The following CYP2U1 variants were observed in gnomAD, a reference collection of about 807,000 sequenced individuals.
CYP2U1 encodes the protein cytochrome P450 family 2 subfamily U member 1, also known as cytochrome P450 2U1.
A neutral mutation model predicts 42.8 loss-of-function variants in CYP2U1; 28 were observed. The ratio of observed to expected loss-of-function variants is 0.65; its 90% CI spans 0.48 to 0.90. The LOEUF is 0.90. Ranked by LOEUF, CYP2U1 falls within the 40% of genes least tolerant of loss-of-function variation. CYP2U1 has a pLI of 0.00. For missense variants in CYP2U1, 642 were observed against 693.8 expected (o/e 0.93, Z 0.84); for synonymous variants, 296 against 278.9 (o/e 1.06, Z -0.61).
Position 107,947,381 on chromosome 4 carries a change from G to T in CYP2U1, c.1132G>T (p.Val378Phe), listed in dbSNP as rs61740284. The T allele has an allele frequency of 1.2e-6, 2 of 1,614,072 alleles. No individual in the cohort carries two copies. The highest frequency in any genetic ancestry group is 1.7e-6 in the Non-Finnish European group (2 of 1,179,988). ...MSLNPDVQEK[V>F]HEEIERVIGA... ...ATTTTTCCCTTTTTACATAGAAAAG[G>T]TTCATGAAGAAATTGAAAGAGTCAT... The change falls in exon 3 of 5, where the codon GTT (valine) becomes TTT (phenylalanine). Residue 378 changes from valine to phenylalanine, a missense_variant. Physicochemically the swap from Val to Phe is conservative, Grantham distance 50 (BLOSUM62 -1). Transcript: ENST00000332884.
intron 3 of CYP2U1, 108 bp downstream of exon 3, chr4:107,947,645 T>C: frequency 9.1e-7 from 1 of 1,103,856 alleles, no homozygotes; most frequent in Non-Finnish European, 1.3e-6. Flanking sequence ...TTGATCCTTC[T>C]GAAGATTTAG....
chr4:107,940,269 T>TAAAG (rs1733441775), intron 1 of CYP2U1: 1 of 151,780 alleles, frequency 6.6e-6, no homozygotes, highest in African/African-American at 2.4e-5. Context: ...TTTTATTTTT[T>TAAAG]AAAGACAGGG....
At position 107,946,762 on chromosome 4, in the gene CYP2U1, A is replaced by C. The variant is rs149269669; in HGVS notation, c.1127-614A>C. 2.7e-3 allele frequency among the ~76,000 whole-genome samples: 408 copies of C among 152,200 alleles called. 3 individuals carry two copies. Among genetic ancestry groups the C allele is most frequent in the African/African-American group, 9.5e-3 (394 of 41,538 alleles). ...CTGCAGACTTGAATGAGACCAAAGAATCCAGGTCCAGGGTGGCTATCCATA... is the reference window on the plus strand; with the variant it reads ...CTGCAGACTTGAATGAGACCAAAGACTCCAGGTCCAGGGTGGCTATCCATA... On this transcript the variant is annotated intron_variant, in intron 2 of 4. Coordinates refer to ENST00000332884, the MANE Select transcript of CYP2U1 (RefSeq NM_183075.3).
At chr4:107,943,761 T>C (rs1733580953) in intron 1 of CYP2U1, among the ~76,000 whole-genome samples, 1 of 152,202 alleles carries the variant, frequency 6.6e-6, no homozygotes, top group African/African-American at 2.4e-5. Flanking sequence ...TTTGCAGCTG[T>C]ATCTACTGCA....
At position 107,947,460 on chromosome 4, in the gene CYP2U1, A is replaced by C. The variant is rs1733739629; in HGVS notation, c.1211A>C (p.Glu404Ala). ...GACAAGGCCCAGATGCCCTACACAGAAGCCACCATCATGGAAGTGCAGAGG... is the reference window on the plus strand; with the variant it reads ...GACAAGGCCCAGATGCCCTACACAGCAGCCACCATCATGGAAGTGCAGAGG... ...LTDKAQMPYT[E>A]ATIMEVQRLT... The change falls in exon 3 of 5, where the codon GAA (glutamate) becomes GCA (alanine). Residue 404 changes from glutamate (E) to alanine (A), a missense_variant. Coordinates refer to ENST00000332884, the MANE Select transcript of CYP2U1 (RefSeq NM_183075.3). 6.2e-7 allele frequency: 1 copy of C among 1,614,100 alleles called. No individual in the cohort carries two copies. Among genetic ancestry groups the C allele is most frequent in the Non-Finnish European group, 8.5e-7 (1 of 1,179,994 alleles).
At chr4:107,941,437 A>T (rs1023166721) in intron 1 of CYP2U1, among the ~76,000 whole-genome samples, 4 of 152,128 alleles carry the variant, frequency 2.6e-5, no homozygotes, top group African/African-American at 9.7e-5. Flanking sequence ...AGCTTTCTCT[A>T]TTGGACATAT....
At chr4:107,947,733 C>T (rs1733751288) in intron 3 of CYP2U1, among the ~76,000 whole-genome samples, 196 bp downstream of exon 3, 2 of 152,300 alleles carry the variant, frequency 1.3e-5, no homozygotes, top group Middle Eastern at 3.4e-3. Flanking sequence ...TAGAATTCTA[C>T]TACTGCTTAG....
At chr4:107,941,293 AACTT>A (rs1733485096) in intron 1 of CYP2U1, 1 of 152,108 alleles carries the variant, frequency 6.6e-6, no homozygotes, top group Non-Finnish European at 1.5e-5. Flanking sequence ...CTTTAGCAAA[AACTT>A]ACAGAACTGT....
chr4:107,945,995 T>C (rs1431876869), intron 2 of CYP2U1, among the ~76,000 whole-genome samples: 1 of 152,202 alleles, frequency 6.6e-6, no homozygotes, highest in Non-Finnish European at 1.5e-5. Context: ...CAGCTAGTTC[T>C]ACCACCTAGT....
chr4:107,944,852 T>TATATACATATATCTA, intron 1 of CYP2U1, 118 bp from the exon 2 acceptor site: 1 of 98,194 alleles, frequency 1.0e-5, no homozygotes, highest in Non-Finnish European at 1.7e-5. Context: ...ATATATATAT[T>TATATACATATATCTA]TATATGAGGA....
intron 1 of CYP2U1, chr4:107,936,090 C>T (rs1733251558): frequency 6.6e-6 from 1 of 152,006 alleles, no homozygotes; most frequent in African/African-American, 2.4e-5. Flanking sequence ...CATGATTAGA[C>T]AAGGTGGTCT....
chr4:107,944,854 A>ATATATATATATATATATATG, intron 1 of CYP2U1, 116 bp from the exon 2 acceptor site: 1 of 255,564 alleles, frequency 3.9e-6, no homozygotes. Context: ...ATATATATTT[A>ATATATATATATATATATATG]TATGAGGAAT....
chr4:107,947,575 G>C (rs760429648), intron 3 of CYP2U1, 38 bp downstream of exon 3: 1 of 1,607,418 alleles, frequency 6.2e-7, no homozygotes. Flanking sequence ...GCCCTTGACG[G>C]AAGCAGGGCC....
chr4:107,942,359 T>G (rs987997203), intron 1 of CYP2U1, among the ~76,000 whole-genome samples: 16 of 151,904 alleles, frequency 1.1e-4, no homozygotes, highest in Non-Finnish European at 2.4e-4. Flanking sequence ...TTAAAAAAAA[T>G]AAAATAAAGG....
chr4:107,936,060 G>A (rs532524371), intron 1 of CYP2U1: 1 of 152,138 alleles, frequency 6.6e-6, no homozygotes, highest in African/African-American at 2.4e-5. Flanking sequence ...TATTTTTTAT[G>A]TTTAAATTTT....
rs1733379206 is a variant in CYP2U1 at position 107,938,978 on chromosome 4, C to T, written c.491-5992C>T. On this transcript the variant is annotated intron_variant, in intron 1 of 4. Coordinates refer to ENST00000332884, the MANE Select transcript of CYP2U1 (RefSeq NM_183075.3). Reference sequence around the variant, plus strand: ...AGGAGTTCAAGACCAGCCTGGCCAACATGGTGAAGCCCCATCTCTACTAAA... The same window carrying T: ...AGGAGTTCAAGACCAGCCTGGCCAATATGGTGAAGCCCCATCTCTACTAAA... 4 of 152,158 alleles carry T rather than the reference C, an allele frequency of 2.6e-5. 1 individual carries two copies. The South Asian group carries it at 6.2e-4, about 24-fold the overall frequency. 9.4% of individuals were successfully genotyped at this position (152,158 alleles called of 1,614,324 possible). A position where few individuals can be genotyped will look rare whatever the true frequency, so the allele number is the denominator to read the frequency against.
intron 1 of CYP2U1, among the ~76,000 whole-genome samples, chr4:107,942,692 A>G (rs557299250): frequency 6.6e-6 from 1 of 152,268 alleles, no homozygotes; most frequent in East Asian, 1.9e-4. Flanking sequence ...TAGAGTGGGG[A>G]CCCTTTGACA....
chr4:107,953,175 G>A lies in CYP2U1; in HGVS notation c.*2752G>A, dbSNP rs1210816482. On this transcript the variant is annotated 3_prime_UTR_variant, in exon 5 of 5. Transcript: ENST00000332884. Reference sequence around the variant, plus strand: ...AATATTCCTAACCAAATAGTTTATAGCTTATTGAGAAGAAGTCTGTTCTTG... The same window carrying A: ...AATATTCCTAACCAAATAGTTTATAACTTATTGAGAAGAAGTCTGTTCTTG... 1 of 152,126 alleles carries A rather than the reference G, an allele frequency of 6.6e-6. No individual in the cohort carries two copies. The highest frequency in any genetic ancestry group is 1.9e-4 in the East Asian group (1 of 5,198). The allele number at this position is 152,126 out of a possible 1,614,324, so 9.4% of individuals were successfully genotyped here. A position where few individuals can be genotyped will look rare whatever the true frequency, so the allele number is the denominator to read the frequency against.
intron 3 of CYP2U1, among the ~76,000 whole-genome samples, chr4:107,948,358 G>A (rs1358818400): frequency 2.0e-5 from 3 of 150,306 alleles, no homozygotes; most frequent in Non-Finnish European, 4.4e-5. Flanking sequence ...GAGGCCAGGA[G>A]TTCGAGACCA....
Sources: gnomAD v4.1 joint callset for allele counts (sites outside exome capture counted in the v4.1 genomes callset) on GRCh38, gnomAD v4.1.1 for gene constraint, MANE v1.5 for transcripts, NCBI Gene and HGNC (gene_info 2026-07-23, HGNC 2026-07-21) for gene names.